The following ADCY9 variants were observed in gnomAD, a reference collection of about 807,000 sequenced individuals.
ADCY9 encodes the protein adenylate cyclase 9.
ADCY9 carries 50 observed loss-of-function variants against 101.5 expected under a neutral mutation model. The ratio of observed to expected loss-of-function variants is 0.49; its 90% CI spans 0.39 to 0.62. ADCY9 has a LOEUF of 0.62. Among genes scored for constraint, ADCY9 ranks in the 20% least tolerant of loss-of-function variants. The pLI is 0.00. For missense variants in ADCY9, 1,662 were observed against 1,800.4 expected, an observed-to-expected ratio of 0.92 and a Z score of 1.39; for synonymous variants, 905 against 769.3, an observed-to-expected ratio of 1.18 and a Z score of -2.92.
rs1366944598 is a variant in ADCY9, at chr16:3,992,245, G to A, written c.2108C>T (p.Ala703Val). The A allele has an allele frequency of 6.2e-7, 1 of 1,614,126 alleles. No individual in the cohort carries two copies. The highest frequency in any genetic ancestry group is 8.5e-7 in the Non-Finnish European group (1 of 1,180,008). ...AGCCGACTGGTCCAGGCTCACCCCT[G>A]CCCACCTTCCCTTCTCCTGCAAGAT... is the stretch of plus-strand genomic sequence containing the variant. ...CEILQEKGRW[A>V]GVSLDQSALL... The change falls in exon 5 of 11, where the codon GCA becomes GTA. Residue 703 changes from alanine (A) to valine (V), a missense_variant. Ala to Val is a moderately conservative substitution (Grantham distance 64). This residue lies in a region of ADCY9 where 624 missense variants were observed against 639.1 expected (regional missense o/e 0.98). Coordinates refer to ENST00000294016, the MANE Select transcript of ADCY9 (RefSeq NM_001116.4). This position sits in a 1 kb window ranked among gnomAD's most constrained non-coding sequence, Gnocchi z 4.2.
intron 2 of ADCY9, among the ~76,000 whole-genome samples, chr16:4,087,543 T>TAAAAAAAA (rs55706713): frequency 6.8e-5 from 8 of 118,188 alleles, no homozygotes; most frequent in African/African-American, 1.3e-4. Flanking sequence ...CTCAAAAAGA[T>TAAAAAAAA]AAAAAAAAAA....
At chr16:4,061,527 A>G (rs1160322040) in intron 2 of ADCY9, among the ~76,000 whole-genome samples, 1 of 152,208 alleles carries the variant, frequency 6.6e-6, no homozygotes, top group Non-Finnish European at 1.5e-5. Context: ...ACTTCACGTT[A>G]GAAATTAACA....
intron 2 of ADCY9, chr16:4,054,157 G>A (rs1028575693): frequency 6.6e-5 from 10 of 152,308 alleles, no homozygotes; most frequent in East Asian, 1.9e-4. Flanking sequence ...CCACAGAGCC[G>A]AGAATAGTGC....
At chr16:4,029,063 G>A (rs774882738) in intron 2 of ADCY9, among the ~76,000 whole-genome samples, 7 of 152,116 alleles carry the variant, frequency 4.6e-5, no homozygotes, top group Non-Finnish European at 1.0e-4. Context: ...GATTACAGAC[G>A]TGAGCCACTG....
chr16:4,059,183 C>T (rs1194853177), intron 2 of ADCY9, among the ~76,000 whole-genome samples: 2 of 151,350 alleles, frequency 1.3e-5, no homozygotes, highest in South Asian at 2.1e-4. Context: ...GTCAGGAGTT[C>T]GAGACCAGCC....
chr16:4,009,280 TTTTC>T (rs2056387815), intron 2 of ADCY9, among the ~76,000 whole-genome samples: 2 of 127,564 alleles, frequency 1.6e-5, no homozygotes, highest in Non-Finnish European at 3.5e-5. Context: ...TTTGTTTTGT[TTTTC>T]CTTTAGAGAT....
At chr16:4,073,008 AAAG>A (rs2056844549) in intron 2 of ADCY9, among the ~76,000 whole-genome samples, 1 of 150,978 alleles carries the variant, frequency 6.6e-6, no homozygotes, top group African/African-American at 2.4e-5. Flanking sequence ...AAAAAAAAAA[AAAG>A]AAACAAACAA....
chr16:4,055,231 C>A (rs2056729779), intron 2 of ADCY9, among the ~76,000 whole-genome samples: 1 of 152,146 alleles, frequency 6.6e-6, no homozygotes, highest in Non-Finnish European at 1.5e-5. Flanking sequence ...AGTGAAAAAG[C>A]CTTTTTAGAT....
Position 4,050,323 on chromosome 16 carries a change from C to A in ADCY9, c.1694-42765G>T, listed in dbSNP as rs2058166. ...AGATGAATGGATACATAGATACGAG[C>A]GGGACAGATGGATACAAAGAACTAC... On this transcript the variant is annotated intron_variant, in intron 2 of 10. Transcript: ENST00000294016. Among the ~76,000 whole-genome samples, 148 of 152,086 alleles carry A rather than the reference C, an allele frequency of 9.7e-4. 2 individuals are homozygous for A. The South Asian group carries it at 0.017, about 17-fold the overall frequency.
intron 10 of ADCY9, among the ~76,000 whole-genome samples, chr16:3,970,434 C>A (rs1308430639): frequency 6.6e-6 from 1 of 152,198 alleles, no homozygotes; most frequent in African/African-American, 2.4e-5. Context: ...TCAAGTGATT[C>A]TCTTGCCTCA....
intron 2 of ADCY9, among the ~76,000 whole-genome samples, chr16:4,029,720 G>A (rs1327472245): frequency 6.6e-6 from 1 of 152,134 alleles, no homozygotes; most frequent in African/African-American, 2.4e-5. Context: ...ACTCCAGCCT[G>A]GGCGACAGAG....
At chr16:3,958,701 T>G (rs2055921698), downstream of ADCY9, among the ~76,000 whole-genome samples, 1 of 85,622 alleles carries the variant, frequency 1.2e-5, no homozygotes, top group African/African-American at 4.5e-5. Context: ...TGAGAGAATC[T>G]TGCTCTGTCG....
At position 4,097,558 on chromosome 16, in the gene ADCY9, T is replaced by TATACA. The variant is rs1460628544; in HGVS notation, c.1693+16191_1693+16192insTGTAT. 9.8e-3 allele frequency among the ~76,000 whole-genome samples: 908 copies of TATACA among 92,436 alleles called. 56 individuals are homozygous for TATACA. Among genetic ancestry groups the TATACA allele is most frequent in the African/African-American group, 0.046 (870 of 18,868 alleles). 60.6% of individuals were successfully genotyped at this position (92,436 alleles called of 152,430 possible). A position where few individuals can be genotyped will look rare whatever the true frequency, so the allele number is the denominator to read the frequency against. ...ATATATATATATATATATATATTTTTTTTTTTTTTTTTTAAGACAGAGTCT... is the reference window on the plus strand; with the variant it reads ...ATATATATATATATATATATATTTTTATACATTTTTTTTTTTTTAAGACAGAGTCT... On this transcript the variant is annotated intron_variant, in intron 2 of 10. Coordinates refer to ENST00000294016, the MANE Select transcript of ADCY9 (RefSeq NM_001116.4).
intron 4 of ADCY9, 196 bp downstream of exon 4, chr16:3,993,210 T>G: frequency 1.1e-6 from 1 of 924,108 alleles, no homozygotes; most frequent in Non-Finnish European, 1.6e-6. Context: ...GAGCGCTGGT[T>G]TCCACGTGGG....
intron 2 of ADCY9, among the ~76,000 whole-genome samples, chr16:4,113,231 C>G (rs758095661): frequency 2.0e-5 from 3 of 151,960 alleles, no homozygotes; most frequent in Non-Finnish European, 4.4e-5. Context: ...GTAACTCCGT[C>G]TAATTCTCCA....
chr16:3,974,463 AAAT>A (rs1305506081), intron 10 of ADCY9, among the ~76,000 whole-genome samples: 1 of 152,250 alleles, frequency 6.6e-6, no homozygotes, highest in African/African-American at 2.4e-5. Context: ...TGTCTTATTA[AAAT>A]AATAAAACTA....
intron 2 of ADCY9, among the ~76,000 whole-genome samples, chr16:4,095,546 T>C (rs1429781100): frequency 6.6e-6 from 1 of 152,222 alleles, no homozygotes; most frequent in African/African-American, 2.4e-5. Flanking sequence ...AAATTCATTT[T>C]ACTGGCAACT....
intron 5 of ADCY9, among the ~76,000 whole-genome samples, chr16:3,989,874 A>T (rs2056230426): frequency 6.6e-6 from 1 of 152,216 alleles, no homozygotes; most frequent in African/African-American, 2.4e-5. Flanking sequence ...TTGCCACCGT[A>T]AAAGCTAACA....
intron 2 of ADCY9, among the ~76,000 whole-genome samples, chr16:4,045,262 C>A (rs1470527684): frequency 6.6e-6 from 1 of 151,828 alleles, no homozygotes; most frequent in African/African-American, 2.4e-5. Flanking sequence ...AAATGAAAGC[C>A]CAGGTAACAA....
Sources: allele counts gnomAD v4.1 joint callset (sites outside exome capture counted in the v4.1 genomes callset), GRCh38; gene constraint gnomAD v4.1.1; regional missense constraint gnomAD v4.1.1; non-coding constraint Gnocchi (gnomAD v3.1); transcripts MANE v1.5; gene names NCBI Gene and HGNC (gene_info 2026-07-23, HGNC 2026-07-21).